Variants in SHLD1 observed in about 807,000 individuals in gnomAD.
SHLD1 encodes RINN1-REV7-interacting novel NHEJ regulator 3.
A neutral mutation model predicts 5.5 loss-of-function variants in SHLD1; 3 were observed. The observed-to-expected ratio is 0.54, with a 90% CI of 0.25 to 1.40. SHLD1 has a LOEUF of 1.40. SHLD1 is among the 40% of genes most tolerant of loss of function. The pLI is 0.15. For missense variants in SHLD1, 210 were observed against 244.4 expected, an observed-to-expected ratio of 0.86 and a Z score of 0.94; for synonymous variants, 92 against 94.3, an observed-to-expected ratio of 0.98 and a Z score of 0.14.
chr20:5,849,569 C>T (rs1334321279), intron 2 of SHLD1, among the ~76,000 whole-genome samples: 3 of 152,210 alleles, frequency 2.0e-5, no homozygotes, highest in Non-Finnish European at 4.4e-5. Context: ...CCCCACTCCT[C>T]CAGCACCAGG....
At chr20:5,854,656 A>T (rs542029447) in intron 2 of SHLD1, among the ~76,000 whole-genome samples, 3 of 152,270 alleles carry the variant, frequency 2.0e-5, no homozygotes, top group East Asian at 3.9e-4. Context: ...TGTAATTTTT[A>T]AAAAATATGA....
chr20:5,804,450 G>GT (rs1382668554), intron 2 of SHLD1, among the ~76,000 whole-genome samples: 1 of 151,944 alleles, frequency 6.6e-6, no homozygotes, highest in Non-Finnish European at 1.5e-5. Flanking sequence ...GCTCCTGTGT[G>GT]TTTTTTACAT....
intron 2 of SHLD1, among the ~76,000 whole-genome samples, chr20:5,814,654 C>CTTTTTTTTTTTTTTTTT (rs148119460): frequency 1.3e-4 from 14 of 103,780 alleles, no homozygotes; most frequent in East Asian, 2.8e-4. Flanking sequence ...TTTTCTTCTT[C>CTTTTTTTTTTTTTTTTT]TTTTTTTTTT....
intron 2 of SHLD1, among the ~76,000 whole-genome samples, chr20:5,781,722 G>A (rs564145789): frequency 1.2e-4 from 19 of 152,108 alleles, no homozygotes; most frequent in Non-Finnish European, 2.5e-4. Context: ...CAAGTCATCC[G>A]TCCACCTTGG....
At chr20:5,776,796 A>C (rs1359182920) in intron 2 of SHLD1, among the ~76,000 whole-genome samples, 11 of 151,580 alleles carry the variant, frequency 7.3e-5, no homozygotes, top group African/African-American at 2.7e-4. Context: ...AGTAAGCATA[A>C]AAAAAAAGCA....
Position 5,820,553 on chromosome 20 carries a change from T to A in SHLD1, c.179-42471T>A, listed in dbSNP as rs902327204. On this transcript the variant is annotated intron_variant, in intron 2 of 2. Coordinates refer to ENST00000303142, the MANE Select transcript of SHLD1 (RefSeq NM_152504.4). ...GAAACCAGCCTCCAAGATGTTCAGA[T>A]TAAAAGAAATTCTTCCACAGTGACA... Among the ~76,000 whole-genome samples the A allele has an allele frequency of 2.6e-5, 4 of 152,150 alleles. No homozygotes were observed. The East Asian group carries it at 7.7e-4, about 29-fold the overall frequency.
intron 2 of SHLD1, among the ~76,000 whole-genome samples, chr20:5,787,246 A>G (rs1237955372): frequency 6.6e-6 from 1 of 152,350 alleles, no homozygotes; most frequent in East Asian, 1.9e-4. Flanking sequence ...TTCTTATGTG[A>G]AAACCCAGGG....
Position 5,762,223 on chromosome 20 carries a change from G to A in SHLD1, c.-4-10639G>A, listed in dbSNP as rs1984507657. ...GCCGAGATTGCACAACAGCCTGGGT[G>A]ACAGAGTGAGACTCTGTCTCAGAAA... On this transcript the variant is annotated intron_variant, in intron 1 of 2. Transcript: ENST00000303142. Among the ~76,000 whole-genome samples the A allele has an allele frequency of 1.3e-5, 2 of 151,348 alleles. 1 individual carries two copies. The highest frequency in any genetic ancestry group is 4.2e-4 in the South Asian group (2 of 4,812).
At chr20:5,816,686 T>C (rs1410558846) in intron 2 of SHLD1, among the ~76,000 whole-genome samples, 1 of 152,184 alleles carries the variant, frequency 6.6e-6, no homozygotes, top group Non-Finnish European at 1.5e-5. Context: ...AGAACTAATA[T>C]TATGATTAAA....
At chr20:5,815,215 T>A (rs1303070441) in intron 2 of SHLD1, among the ~76,000 whole-genome samples, 2 of 152,184 alleles carry the variant, frequency 1.3e-5, no homozygotes. Flanking sequence ...AACTGCAAGT[T>A]TTAATGATCT....
At chr20:5,836,801 T>C (rs141495045) in intron 2 of SHLD1, among the ~76,000 whole-genome samples, 2 of 152,326 alleles carry the variant, frequency 1.3e-5, no homozygotes, top group East Asian at 3.9e-4. Context: ...AGCATTTTAA[T>C]GCCTCACCCT....
intron 2 of SHLD1, among the ~76,000 whole-genome samples, chr20:5,798,051 T>C (rs2087236692): frequency 1.3e-5 from 2 of 152,216 alleles, no homozygotes; most frequent in Admixed American, 1.3e-4. Context: ...GTTCTTATGG[T>C]CCATGTGATA....
Position 5,855,433 on chromosome 20 carries a change from A to G in SHLD1, c.179-7591A>G, listed in dbSNP as rs7267274. Among the ~76,000 whole-genome samples, 867 of 152,148 alleles carry G rather than the reference A, an allele frequency of 5.7e-3. 4 individuals carry two copies. The highest frequency in any genetic ancestry group is 0.019 in the African/African-American group (802 of 41,486). On this transcript the variant is annotated intron_variant, in intron 2 of 2. Coordinates refer to ENST00000303142, the MANE Select transcript of SHLD1 (RefSeq NM_152504.4). This position sits in a 1 kb window ranked among gnomAD's most constrained non-coding sequence, Gnocchi z 4.4. The stretch of plus-strand genomic sequence containing the variant: ...GTCACCTAGACTGGAGTACAGTGGG[A>G]TGATCTTGGCTCATGGCAACCTCCA...
intron 2 of SHLD1, among the ~76,000 whole-genome samples, chr20:5,797,075 C>T (rs2087224444): frequency 6.6e-6 from 1 of 152,086 alleles, no homozygotes. Flanking sequence ...CTATCTTTTG[C>T]TCCAAAGTAA....
At chr20:5,842,781 T>A (rs1487211681) in intron 2 of SHLD1, among the ~76,000 whole-genome samples, 1 of 152,216 alleles carries the variant, frequency 6.6e-6, no homozygotes, top group Non-Finnish European at 1.5e-5. Context: ...TTTTACCTAT[T>A]TGCTGAGGTA....
At chr20:5,782,665 T>C (rs958227208) in intron 2 of SHLD1, among the ~76,000 whole-genome samples, 2 of 152,236 alleles carry the variant, frequency 1.3e-5, no homozygotes, top group African/African-American at 4.8e-5. Context: ...TTTAGTCTTA[T>C]TCTGGGAATC....
intron 2 of SHLD1, among the ~76,000 whole-genome samples, chr20:5,774,591 G>A (rs774914508): frequency 2.6e-5 from 4 of 152,162 alleles, no homozygotes; most frequent in Admixed American, 1.3e-4. Context: ...CAATCAGGGC[G>A]GAAGGCAAAG....
intron 2 of SHLD1, among the ~76,000 whole-genome samples, chr20:5,780,735 C>G (rs1985647661): frequency 6.6e-6 from 1 of 152,218 alleles, no homozygotes; most frequent in Non-Finnish European, 1.5e-5. Flanking sequence ...GGCTGCCTGC[C>G]TTCCTCCTCA....
intron 2 of SHLD1, among the ~76,000 whole-genome samples, chr20:5,862,644 G>A (rs2088178360): frequency 6.6e-6 from 1 of 152,194 alleles, no homozygotes; most frequent in African/African-American, 2.4e-5. Flanking sequence ...AAAGTTACAG[G>A]TACTGCTATT....
Sources: gnomAD v4.1 joint callset for allele counts (sites outside exome capture counted in the v4.1 genomes callset) on GRCh38, gnomAD v4.1.1 for gene constraint, Gnocchi (gnomAD v3.1) non-coding constraint, MANE v1.5 for transcripts, NCBI Gene and HGNC (gene_info 2026-07-23, HGNC 2026-07-21) for gene names.